The following SPEF2 variants were observed in gnomAD, a reference collection of about 807,000 sequenced individuals.
SPEF2 encodes sperm flagella and cilia-associated protein 2.
Under a neutral mutation model 224.6 loss-of-function variants are expected in SPEF2, and 187 were observed. The ratio of observed to expected loss-of-function variants is 0.83; its 90% confidence interval spans 0.74 to 0.94. SPEF2 has a LOEUF of 0.94. Among genes scored for constraint, SPEF2 ranks in the 40% least tolerant of loss-of-function variants. The probability of loss-of-function intolerance (pLI) is 0.00; values close to 1 mark genes in which losing one functional copy is unlikely to be tolerated. For synonymous variants in SPEF2, 715 were observed against 707.3 expected (o/e 1.01, Z -0.17); for missense variants, 2,170 against 2,135.6 (o/e 1.02, Z -0.32).
At chr5:35,808,257 T>C in intron 36 of SPEF2, 1 of 727,010 alleles carries the variant, frequency 1.4e-6, no homozygotes, top group East Asian at 1.3e-4. Context: ...GATTTCTTTT[T>C]TTTTAATTAT....
chr5:35,658,836 C>A (rs1749310490), intron 7 of SPEF2, among the ~76,000 whole-genome samples, 183 bp from the exon 8 acceptor site: 1 of 152,002 alleles, frequency 6.6e-6, no homozygotes. Context: ...TTCTAAACAC[C>A]AACTTTTGTT....
At chr5:35,733,430 T>G (rs1246646885) in intron 21 of SPEF2, among the ~76,000 whole-genome samples, 3 of 152,196 alleles carry the variant, frequency 2.0e-5, no homozygotes, top group Non-Finnish European at 2.9e-5. Flanking sequence ...GACTGTAAAC[T>G]GTCATAACAA....
At chr5:35,768,501 A>G (rs536417473) in intron 26 of SPEF2, among the ~76,000 whole-genome samples, 1 of 152,228 alleles carries the variant, frequency 6.6e-6, no homozygotes, top group African/African-American at 2.4e-5. Flanking sequence ...AACCTCTCTA[A>G]TTCTTTAGGC....
rs538211103 is a variant in SPEF2, at chr5:35,667,878, G to A, written c.1355+619G>A. On this transcript the variant is annotated intron_variant, in intron 9 of 36. Transcript: ENST00000356031. Reference sequence around the variant, plus strand: ...ATATGAAAAGACATTTCACTGAAGAGGATATTTAGATGACAAATACACAAG... The same window carrying A: ...ATATGAAAAGACATTTCACTGAAGAAGATATTTAGATGACAAATACACAAG... Among the ~76,000 whole-genome samples, 9 of 151,964 alleles carry A rather than the reference G, an allele frequency of 5.9e-5. No homozygotes were observed. In the South Asian group the frequency reaches 1.9e-3, roughly 32 times the overall value.
At chr5:35,750,177 A>G (rs567202133) in intron 23 of SPEF2, among the ~76,000 whole-genome samples, 1 of 152,254 alleles carries the variant, frequency 6.6e-6, no homozygotes, top group South Asian at 2.1e-4. Context: ...CTGGGTCCTC[A>G]TCTCTCACCT....
At chr5:35,690,414 A>G (rs972682872) in intron 10 of SPEF2, among the ~76,000 whole-genome samples, 7 of 152,162 alleles carry the variant, frequency 4.6e-5, no homozygotes, top group African/African-American at 7.2e-5. Context: ...TAGACTTTAT[A>G]ATCTCAATTT....
At chr5:35,727,476 A>G (rs1282464348) in intron 20 of SPEF2, among the ~76,000 whole-genome samples, 199 bp from the exon 21 acceptor site, 1 of 152,220 alleles carries the variant, frequency 6.6e-6, no homozygotes, top group Admixed American at 6.5e-5. Flanking sequence ...GGATTGCTTT[A>G]AAACATTTAC....
chr5:35,812,650 T>G (rs915791018), intron 36 of SPEF2, among the ~76,000 whole-genome samples: 3 of 152,200 alleles, frequency 2.0e-5, no homozygotes, highest in African/African-American at 7.2e-5. Flanking sequence ...TATACATTCT[T>G]TAAAACAAAT....
Position 35,727,787 on chromosome 5 carries a change from A to G in SPEF2, c.3027A>G (p.Ser1009=). The change falls in exon 21 of 37, where the codon TCA becomes TCG. Residue 1009 remains serine (S), a synonymous_variant. Transcript: ENST00000356031. ...AIVPQPPKPG[S]EEWVYVNEPV... ...TGCCACAGCCACCTAAGCCAGGATC[A>G]GAAGAATGGGTCTATGTGAATGAAC... The G allele has an allele frequency of 6.2e-7, 1 of 1,614,040 alleles. No individual in the cohort carries two copies. Among genetic ancestry groups the G allele is most frequent in the Non-Finnish European group, 8.5e-7 (1 of 1,179,922 alleles).
chr5:35,680,931 G>C, intron 10 of SPEF2, among the ~76,000 whole-genome samples: 1 of 152,108 alleles, frequency 6.6e-6, no homozygotes, highest in East Asian at 1.9e-4. Flanking sequence ...ATCAATCTTG[G>C]TTATTTCTAA....
At position 35,774,675 on chromosome 5, in the gene SPEF2, C is replaced by T. The variant is rs374690669; in HGVS notation, c.4078+654C>T. On this transcript the variant is annotated intron_variant, in intron 28 of 36. Coordinates refer to ENST00000356031, the MANE Select transcript of SPEF2 (RefSeq NM_024867.4). ...AAACATATCCTAAGGGAAAAAAACA[C>T]GGTCAATATACAAGATGACAAAACC... 1.1e-4 allele frequency among the ~76,000 whole-genome samples: 16 copies of T among 152,264 alleles called. No homozygotes were observed. In the East Asian group the frequency reaches 1.9e-3, roughly 18 times the overall value.
In SPEF2 at chr5:35,725,870, A is replaced by G. The variant is rs187101160; in HGVS notation, c.2915-1805A>G. Among the ~76,000 whole-genome samples, 969 of 152,254 alleles carry G rather than the reference A, an allele frequency of 6.4e-3. 8 individuals carry two copies. The highest frequency in any genetic ancestry group is 0.02 in the Middle Eastern group (6 of 294). ...GGTTCTTACAACAAAAAAAATTGGT[A>G]ATATGTACCTTCACCATATGCTAAT... On this transcript the variant is annotated intron_variant, in intron 20 of 36. Coordinates refer to ENST00000356031, the MANE Select transcript of SPEF2 (RefSeq NM_024867.4).
intron 20 of SPEF2, among the ~76,000 whole-genome samples, chr5:35,724,837 C>A (rs758088960): frequency 6.8e-4 from 103 of 152,126 alleles, no homozygotes; most frequent in Non-Finnish European, 1.2e-3. Context: ...GACCAAGTTA[C>A]TAAAGACAGA....
chr5:35,672,610 T>C (rs752670371), intron 10 of SPEF2, among the ~76,000 whole-genome samples: 1 of 151,884 alleles, frequency 6.6e-6, no homozygotes, highest in Non-Finnish European at 1.5e-5. Flanking sequence ...AAATAAAGAA[T>C]GATAGTATAA....
At chr5:35,649,266 A>T in intron 5 of SPEF2, 95 bp from the exon 6 acceptor site, 1 of 995,598 alleles carries the variant, frequency 1.0e-6, no homozygotes, top group Non-Finnish European at 1.5e-6. Flanking sequence ...TTGAATTAGT[A>T]GTACTTGTCA....
intron 34 of SPEF2, among the ~76,000 whole-genome samples, chr5:35,803,030 C>G (rs1266748308): frequency 2.6e-5 from 4 of 152,194 alleles, no homozygotes; most frequent in African/African-American, 9.7e-5. Flanking sequence ...TTTGGGACAC[C>G]TTGTTACCCA....
chr5:35,618,523 A>G (rs1005545464), intron 1 of SPEF2, among the ~76,000 whole-genome samples: 6 of 152,190 alleles, frequency 3.9e-5, no homozygotes, highest in Admixed American at 1.3e-4. Flanking sequence ...ACAAGTTACA[A>G]TACCTTCTCT....
intron 21 of SPEF2, among the ~76,000 whole-genome samples, chr5:35,731,430 C>T (rs988815105): frequency 6.6e-5 from 10 of 152,166 alleles, no homozygotes; most frequent in Non-Finnish European, 1.5e-4. Flanking sequence ...CAGGTCTTTA[C>T]ATATGACAAT....
chr5:35,794,682 C>T (rs1756422397), intron 32 of SPEF2, among the ~76,000 whole-genome samples: 1 of 152,278 alleles, frequency 6.6e-6, no homozygotes. Context: ...TGGCAATTAA[C>T]ATAGGATATC....
Sources: allele counts gnomAD v4.1 joint callset (sites outside exome capture counted in the v4.1 genomes callset), GRCh38; gene constraint gnomAD v4.1.1; transcripts MANE v1.5; gene names NCBI Gene and HGNC (gene_info 2026-07-23, HGNC 2026-07-21).